Variants in GLI3 observed in about 807,000 individuals in gnomAD.
GLI3 encodes the protein transcription activator GLI3.
A neutral mutation model predicts 100.8 loss-of-function variants in GLI3; 20 were observed. The ratio of observed to expected loss-of-function variants is 0.20; its 90% confidence interval spans 0.14 to 0.29. The LOEUF is 0.29. Ranked by LOEUF, GLI3 falls within the 10% of genes least tolerant of loss-of-function variation. The pLI, the probability that GLI3 is intolerant of heterozygous loss-of-function variation, is 1.00. For missense variants in GLI3, 2,040 were observed against 2,128.5 expected, an observed-to-expected ratio of 0.96 and a Z score of 0.82; for synonymous variants, 938 against 860.5, an observed-to-expected ratio of 1.09 and a Z score of -1.58.
intron 3 of GLI3, among the ~76,000 whole-genome samples, chr7:42,135,386 C>T (rs1012470944): frequency 6.6e-6 from 1 of 152,184 alleles, no homozygotes; most frequent in Admixed American, 6.5e-5. Flanking sequence ...CCTGATGTAG[C>T]AGGAGAGCAT....
chr7:42,155,165 C>T lies in GLI3; in HGVS notation c.125-6697G>A, dbSNP rs6967212. Among the ~76,000 whole-genome samples the T allele has an allele frequency of 8.0e-3, 1,218 of 152,062 alleles. 18 individuals carry two copies. Among genetic ancestry groups the T allele is most frequent in the African/African-American group, 0.027 (1,138 of 41,456 alleles). On this transcript the variant is annotated intron_variant, in intron 2 of 14. Transcript: ENST00000395925. ...AGAAAATGCTCTCCATCAGGCCAAG[C>T]GTGGTGGATCACACCTGTAATCCCA...
rs149815579 is a variant in GLI3, at chr7:42,069,997, C to T, written c.473+6755G>A. 3.5e-3 allele frequency among the ~76,000 whole-genome samples: 530 copies of T among 152,316 alleles called. 4 individuals carry two copies. The highest frequency in any genetic ancestry group is 0.012 in the African/African-American group (509 of 41,566). ...GCCATAGGTATCTGAAGGAAGAAGG[C>T]TCTACGCAGATACACATTGTGTTCT... On this transcript the variant is annotated intron_variant, in intron 4 of 14. Transcript: ENST00000395925.
chr7:41,977,862 ACT>A (rs1787550756), intron 11 of GLI3, 140 bp from the exon 12 acceptor site: 1 of 760,652 alleles, frequency 1.3e-6, no homozygotes, highest in Non-Finnish European at 2.3e-6. Flanking sequence ...AGTCCACTAA[ACT>A]CTGCATTTAT....
chr7:42,114,828 A>C (rs565288810), intron 3 of GLI3, among the ~76,000 whole-genome samples: 1 of 151,848 alleles, frequency 6.6e-6, no homozygotes, highest in Non-Finnish European at 1.5e-5. Flanking sequence ...CAGCCTCCTG[A>C]GTAGTTGGGA....
chr7:42,243,902 C>G (rs977603408), intron 1 of GLI3, among the ~76,000 whole-genome samples: 19 of 152,138 alleles, frequency 1.2e-4, no homozygotes, highest in Non-Finnish European at 2.5e-4. Context: ...GGTGCAATCT[C>G]CACTCACTGA....
At chr7:42,221,361 G>A (rs934559204) in intron 2 of GLI3, among the ~76,000 whole-genome samples, 3 of 152,190 alleles carry the variant, frequency 2.0e-5, no homozygotes, top group African/African-American at 7.2e-5. Flanking sequence ...CAGGACAGGC[G>A]CTTCTGCAGG....
At chr7:42,242,060 C>T (rs925528253), upstream of GLI3, among the ~76,000 whole-genome samples, 3 of 152,164 alleles carry the variant, frequency 2.0e-5, no homozygotes, top group African/African-American at 7.2e-5. Context: ...ATTTATGTGA[C>T]CTGGTGGTTT....
At chr7:42,189,179 T>A (rs1387104229) in intron 2 of GLI3, among the ~76,000 whole-genome samples, 2 of 152,168 alleles carry the variant, frequency 1.3e-5, no homozygotes, top group East Asian at 3.8e-4. Flanking sequence ...GTCTATTTTT[T>A]AAAAAGAATG....
Position 42,037,201 on chromosome 7 carries a change from C to T in GLI3, c.1028+2837G>A, listed in dbSNP as rs185668641. Among the ~76,000 whole-genome samples the T allele has an allele frequency of 4.6e-5, 7 of 152,280 alleles. No individual in the cohort carries two copies. In the East Asian group the frequency reaches 7.7e-4, roughly 17 times the overall value. On this transcript the variant is annotated intron_variant, in intron 7 of 14. Transcript: ENST00000395925. The stretch of plus-strand genomic sequence containing the variant: ...TTGCCAAATAGCTGTGACGTGAGAA[C>T]GGTGAGTGAGCATGAGCCGTGCACC...
intron 2 of GLI3, 93 bp from the exon 3 acceptor site, chr7:42,148,561 C>T: frequency 1.7e-6 from 2 of 1,201,142 alleles, no homozygotes; most frequent in South Asian, 2.5e-5. Context: ...CGATATCCCT[C>T]TCCCGGAAAA....
intron 2 of GLI3, among the ~76,000 whole-genome samples, chr7:42,192,724 G>A (rs1787851649): frequency 6.6e-6 from 1 of 152,220 alleles, no homozygotes; most frequent in Non-Finnish European, 1.5e-5. Flanking sequence ...TCATTCTGCA[G>A]CTGTGTTAAA....
At chr7:42,078,919 C>T (rs555087483) in intron 3 of GLI3, among the ~76,000 whole-genome samples, 1 of 151,978 alleles carries the variant, frequency 6.6e-6, no homozygotes, top group African/African-American at 2.4e-5. Context: ...TTAGTAGACA[C>T]AGGCTTTCAC....
At chr7:42,083,305 C>G (rs993347387) in intron 3 of GLI3, among the ~76,000 whole-genome samples, 5 of 152,156 alleles carry the variant, frequency 3.3e-5, no homozygotes, top group Non-Finnish European at 7.3e-5. Context: ...CTTTCTGCAC[C>G]TGGCTTATTT....
chr7:42,244,106 T>A (rs542296142), intron 1 of GLI3, among the ~76,000 whole-genome samples: 24 of 152,202 alleles, frequency 1.6e-4, no homozygotes, highest in Non-Finnish European at 3.4e-4. Flanking sequence ...AGTGCTGGGA[T>A]TACAGGCGAA....
chr7:42,125,592 C>A (rs1786106305), intron 3 of GLI3, among the ~76,000 whole-genome samples: 2 of 152,284 alleles, frequency 1.3e-5, no homozygotes, highest in South Asian at 4.1e-4. Context: ...TTATGTCTTT[C>A]TTCATTTTCT....
At chr7:42,147,832 G>A (rs1786751915) in intron 3 of GLI3, among the ~76,000 whole-genome samples, 1 of 152,096 alleles carries the variant, frequency 6.6e-6, no homozygotes, top group African/African-American at 2.4e-5. Flanking sequence ...GGGAATTGCG[G>A]CTGTTGAGCA....
chr7:42,139,801 G>C (rs181095868), intron 3 of GLI3, among the ~76,000 whole-genome samples: 4 of 152,194 alleles, frequency 2.6e-5, no homozygotes, highest in African/African-American at 7.2e-5. Context: ...CGATGGAGTC[G>C]CACGCTGTCA....
chr7:41,980,245 A>G (rs1184755600), intron 10 of GLI3, among the ~76,000 whole-genome samples: 2 of 152,216 alleles, frequency 1.3e-5, no homozygotes, highest in Non-Finnish European at 2.9e-5. Context: ...TGGGTTTCCT[A>G]TGAAAAGCCA....
At chr7:42,053,107 T>G (rs1784385226) in intron 4 of GLI3, among the ~76,000 whole-genome samples, 1 of 152,204 alleles carries the variant, frequency 6.6e-6, no homozygotes, top group African/African-American at 2.4e-5. Flanking sequence ...GCGATTCTCC[T>G]GTCTCAGCCT....
Sources: allele counts gnomAD v4.1 joint callset (sites outside exome capture counted in the v4.1 genomes callset), GRCh38; gene constraint gnomAD v4.1.1; transcripts MANE v1.5; gene names NCBI Gene and HGNC (gene_info 2026-07-23, HGNC 2026-07-21).